PFKFB3: variants seen among roughly 807,000 people sequenced by gnomAD.
PFKFB3 encodes the protein 6-phosphofructo-2-kinase/fructose-2,6-bisphosphatase 3.
In PFKFB3, 33 loss-of-function variants were observed where a neutral mutation model predicts 68.0. The ratio of observed to expected loss-of-function variants is 0.49; its 90% CI spans 0.37 to 0.65. The LOEUF is 0.65. Ranked by LOEUF, PFKFB3 falls within the 30% of genes least tolerant of loss-of-function variation. The pLI, the probability that PFKFB3 is intolerant of heterozygous loss-of-function variation, is 0.00. For missense variants in PFKFB3, 586 were observed against 712.2 expected, an observed-to-expected ratio of 0.82 and a Z score of 2.02; for synonymous variants, 315 against 288.2, an observed-to-expected ratio of 1.09 and a Z score of -0.94.
chr10:6,181,053 C>CGG (rs539366109), intron 1 of PFKFB3, among the ~76,000 whole-genome samples: 150 of 152,140 alleles, frequency 9.9e-4, no homozygotes, highest in Non-Finnish European at 1.8e-3. Context: ...CTGGCTCTGT[C>CGG]GCTCAGGCTG....
chr10:6,232,809 G>A (rs1225306301), intron 14 of PFKFB3, 86 bp from the exon 15 acceptor site: 30 of 1,038,082 alleles, frequency 2.9e-5, no homozygotes, highest in South Asian at 5.2e-5. Flanking sequence ...AGAATTCTCC[G>A]TTGCATGGCT....
Position 6,231,306 on chromosome 10 carries a change from CTG to C in PFKFB3, c.1516-1586_1516-1585del, listed in dbSNP as rs1174530553. 3.7e-6 allele frequency: 6 copies of C among 1,612,236 alleles called. No homozygotes were observed. In the South Asian group the frequency reaches 4.4e-5, roughly 12 times the overall value. On this transcript the variant is annotated intron_variant, in intron 14 of 14. Transcript: ENST00000379775. ...TTTCTCAAAGTTTTCTCCTTACTAA[CTG>C]TGGAAGGTAAATGCCTGGGTGCATG...
At chr10:6,257,834 A>AC (rs1311244199), downstream of PFKFB3, among the ~76,000 whole-genome samples, 2 of 152,126 alleles carry the variant, frequency 1.3e-5, no homozygotes, top group Non-Finnish European at 2.9e-5. Context: ...CGGGTCTGGC[A>AC]CCCACCTGAT....
chr10:6,325,563 A>G, the PFKFB3 span, among the ~76,000 whole-genome samples: 2 of 152,210 alleles, frequency 1.3e-5, no homozygotes, highest in African/African-American at 2.4e-5. Flanking sequence ...ACACTACACC[A>G]TTTCAATCAG....
At chr10:6,305,165 G>T in the PFKFB3 span, among the ~76,000 whole-genome samples, 3,686 of 119,164 alleles carry the variant, frequency 0.031, no homozygotes, top group Middle Eastern at 0.15. Context: ...TCTTACTATT[G>T]TAAATTAAAA....
intron 1 of PFKFB3, among the ~76,000 whole-genome samples, chr10:6,182,193 C>G (rs1219055530): frequency 6.6e-6 from 1 of 152,098 alleles, no homozygotes; most frequent in Non-Finnish European, 1.5e-5. Flanking sequence ...CTCTCTAATC[C>G]CTCACCTGGC....
chr10:6,307,691 A>G, the PFKFB3 span, among the ~76,000 whole-genome samples: 1 of 151,248 alleles, frequency 6.6e-6, no homozygotes, highest in Non-Finnish European at 1.5e-5. Flanking sequence ...CTGAGGCTCC[A>G]CCGTCTGGTG....
chr10:6,171,591 C>G (rs1842314428), intron 1 of PFKFB3, among the ~76,000 whole-genome samples: 1 of 152,078 alleles, frequency 6.6e-6, no homozygotes, highest in Admixed American at 6.6e-5. Context: ...TGAGGTCCCT[C>G]TGTGTTGCTC....
At chr10:6,320,742 T>C in the PFKFB3 span, among the ~76,000 whole-genome samples, 1 of 152,164 alleles carries the variant, frequency 6.6e-6, no homozygotes, top group Non-Finnish European at 1.5e-5. Context: ...GCAGCTTCTG[T>C]CTGTGTTCTT....
intron 1 of PFKFB3, among the ~76,000 whole-genome samples, chr10:6,165,893 C>A (rs1011105816): frequency 2.0e-5 from 3 of 151,658 alleles, no homozygotes; most frequent in Admixed American, 6.6e-5. Flanking sequence ...CCGCTCACTG[C>A]AACCTCTGCC....
the PFKFB3 span, among the ~76,000 whole-genome samples, chr10:6,263,234 C>G: frequency 1.3e-5 from 2 of 152,228 alleles, no homozygotes; most frequent in African/African-American, 4.8e-5. Flanking sequence ...ATAGGTTGGG[C>G]TAGTTAACTG....
the PFKFB3 span, chr10:6,294,125 T>G: frequency 8.0e-6 from 4 of 497,238 alleles, no homozygotes; most frequent in African/African-American, 2.0e-5. Context: ...TATTTGCATG[T>G]GTTTCTTCTT....
At chr10:6,186,995 G>A (rs2131809401) in intron 1 of PFKFB3, among the ~76,000 whole-genome samples, 1 of 152,244 alleles carries the variant, frequency 6.6e-6, no homozygotes, top group Admixed American at 6.5e-5. Flanking sequence ...GGGGAGGTGT[G>A]CCGCCACGAC....
the PFKFB3 span, among the ~76,000 whole-genome samples, chr10:6,309,396 C>A: frequency 6.6e-6 from 1 of 152,264 alleles, no homozygotes; most frequent in Non-Finnish European, 1.5e-5. Context: ...TAGCTTGAAC[C>A]TGGGAGGCAG....
At chr10:6,177,160 G>C (rs533351396) in intron 1 of PFKFB3, among the ~76,000 whole-genome samples, 1 of 152,286 alleles carries the variant, frequency 6.6e-6, no homozygotes, top group East Asian at 1.9e-4. Context: ...AGATTCCTTA[G>C]CTCTACAGTG....
chr10:6,265,200 C>T, the PFKFB3 span, among the ~76,000 whole-genome samples: 1 of 151,668 alleles, frequency 6.6e-6, no homozygotes, highest in Non-Finnish European at 1.5e-5. Context: ...CCTGCCTCAG[C>T]CTCCCGAGTA....
downstream of PFKFB3, among the ~76,000 whole-genome samples, chr10:6,259,262 A>C (rs1045648615): frequency 1.4e-5 from 2 of 146,404 alleles, no homozygotes; most frequent in Non-Finnish European, 1.5e-5. Context: ...TCATCTATCC[A>C]TCCATCCACC....
the PFKFB3 span, chr10:6,277,921 GT>G: frequency 9.2e-3 from 1,427 of 155,386 alleles, 1 homozygote; most frequent in South Asian, 0.05. Flanking sequence ...TGTATTAATA[GT>G]TTTTTTTTTT....
chr10:6,286,363 A>G, the PFKFB3 span, among the ~76,000 whole-genome samples: 1 of 151,758 alleles, frequency 6.6e-6, no homozygotes, highest in Non-Finnish European at 1.5e-5. Context: ...TCACTCTGAC[A>G]GTCTTTTATT....
Sources: allele counts gnomAD v4.1 joint callset (sites outside exome capture counted in the v4.1 genomes callset), GRCh38; gene constraint gnomAD v4.1.1; transcripts MANE v1.5; gene names NCBI Gene and HGNC (gene_info 2026-07-23, HGNC 2026-07-21).